The following CHDH variants were observed in gnomAD, a reference collection of about 807,000 sequenced individuals.
The protein encoded by CHDH is choline dehydrogenase, mitochondrial.
In CHDH, 43 loss-of-function variants were observed where a neutral mutation model predicts 56.9. The observed-to-expected ratio is 0.76, with a 90% CI of 0.59 to 0.97. The LOEUF (loss-of-function observed/expected upper bound fraction) is 0.97, where lower values mean the gene tolerates loss of function less well. CHDH is among the 50% of genes least tolerant of loss of function. The pLI, the probability that CHDH is intolerant of heterozygous loss-of-function variation, is 0.00. For missense variants in CHDH, 816 were observed against 821.1 expected, an observed-to-expected ratio of 0.99 and a Z score of 0.08; for synonymous variants, 364 against 348.5, an observed-to-expected ratio of 1.04 and a Z score of -0.50.
At chr3:53,824,955 G>A (rs866289212) in intron 2 of CHDH, among the ~76,000 whole-genome samples, 2 of 152,202 alleles carry the variant, frequency 1.3e-5, no homozygotes, top group African/African-American at 2.4e-5. Context: ...AGTAACAGCA[G>A]CCTACCACTG....
chr3:53,818,500 T>C (rs1380175432), intron 8 of CHDH, among the ~76,000 whole-genome samples: 5 of 152,116 alleles, frequency 3.3e-5, no homozygotes, highest in Non-Finnish European at 7.4e-5. Context: ...CCTGCTACAG[T>C]GGGGCTGTGA....
At chr3:53,820,024 A>G (rs1207004340) in intron 6 of CHDH, among the ~76,000 whole-genome samples, 2 of 152,240 alleles carry the variant, frequency 1.3e-5, no homozygotes, top group African/African-American at 4.8e-5. Context: ...GTGGATGGGT[A>G]GGATTTTAAA....
chr3:53,843,335 C>T (rs1259132022), intron 1 of CHDH, among the ~76,000 whole-genome samples: 3 of 152,100 alleles, frequency 2.0e-5, no homozygotes, highest in South Asian at 4.1e-4. Flanking sequence ...TGATGTCAGC[C>T]CCATGTTACA....
chr3:53,820,286 C>T (rs1160821962), intron 6 of CHDH, among the ~76,000 whole-genome samples, 188 bp downstream of exon 6: 2 of 152,166 alleles, frequency 1.3e-5, no homozygotes, highest in Non-Finnish European at 1.5e-5. Context: ...TTCTGGTCCT[C>T]GCTTCAACCT....
At chr3:53,826,308 A>G (rs1205701318) in intron 2 of CHDH, among the ~76,000 whole-genome samples, 1 of 134,798 alleles carries the variant, frequency 7.4e-6, no homozygotes, top group Admixed American at 7.1e-5. Context: ...AGACAAAGAC[A>G]TTACAATAAA....
At chr3:53,834,278 T>C (rs1018946560) in intron 2 of CHDH, among the ~76,000 whole-genome samples, 2 of 152,122 alleles carry the variant, frequency 1.3e-5, no homozygotes, top group African/African-American at 4.8e-5. Context: ...GAACCCTGTC[T>C]CTACTAAAAA....
chr3:53,834,086 G>GCTA (rs1412086849), intron 2 of CHDH, among the ~76,000 whole-genome samples: 1 of 152,230 alleles, frequency 6.6e-6, no homozygotes, highest in East Asian at 1.9e-4. Flanking sequence ...GTTATGGCTG[G>GCTA]TGGCTTTCAT....
At position 53,813,522 on chromosome 3, in the gene CHDH, G is replaced by C. The variant is rs893690111; in HGVS notation, c.*4255C>G. On this transcript the variant is annotated 3_prime_UTR_variant, in exon 9 of 9. Coordinates refer to ENST00000315251, the MANE Select transcript of CHDH (RefSeq NM_018397.5). The stretch of plus-strand genomic sequence containing the variant: ...GCTACACCACTGTCAACATTATCCT[G>C]GACTCTGTGTCTCTCTCTGTTGGGT... 9 of 152,192 alleles carry C rather than the reference G, an allele frequency of 5.9e-5. No individual in the cohort carries two copies. The highest frequency in any genetic ancestry group is 2.2e-4 in the African/African-American group (9 of 41,438). The allele number at this position is 152,192 out of a possible 1,614,324, so 9.4% of individuals were successfully genotyped here. A position where few individuals can be genotyped will look rare whatever the true frequency, so the allele number is the denominator to read the frequency against.
chr3:53,845,911 T>C (rs1335365145), intron 1 of CHDH, among the ~76,000 whole-genome samples, 172 bp downstream of exon 1: 3 of 152,230 alleles, frequency 2.0e-5, no homozygotes, highest in Non-Finnish European at 1.5e-5. Flanking sequence ...GTCAGTGAGC[T>C]TCGGCAGTCT....
At chr3:53,820,649 G>A in intron 5 of CHDH, 41 bp from the exon 6 acceptor site, 1 of 1,583,578 alleles carries the variant, frequency 6.3e-7, no homozygotes, top group Non-Finnish European at 8.6e-7. Flanking sequence ...GCTACCAAGG[G>A]GGCTCAGCTG....
In CHDH at chr3:53,823,551, T is replaced by C. The variant is rs771598867; in HGVS notation, c.458A>G (p.Gln153Arg). 6.5e-7 allele frequency: 1 copy of C among 1,542,508 alleles called. No individual in the cohort carries two copies. The highest frequency in any genetic ancestry group is 1.2e-5 in the South Asian group (1 of 83,916). Residue 153 changes from glutamine to arginine, a missense_variant, in exon 3 of 9, where the codon CAG becomes CGG. Coordinates refer to ENST00000315251, the MANE Select transcript of CHDH (RefSeq NM_018397.5). ...CGCGTAGTCCCAGCCGCGGGCGCCCTGGCGCTGCCAGCGCTCGTAGTCCTC... is the reference window on the plus strand; with the variant it reads ...CGCGTAGTCCCAGCCGCGGGCGCCCCGGCGCTGCCAGCGCTCGTAGTCCTC... ...HAEDYERWQR[Q>R]GARGWDYAHC...
At chr3:53,822,427 GAGCTGGACCACCAGGGTC>G in intron 4 of CHDH, 46 bp downstream of exon 4, 2 of 1,498,692 alleles carry the variant, frequency 1.3e-6, no homozygotes, top group Non-Finnish European at 1.8e-6. Context: ...TGCCCACTCT[GAGCTGGACCACCAGGGTC>G]ACTGCCCACC....
intron 2 of CHDH, among the ~76,000 whole-genome samples, chr3:53,838,485 T>G (rs1056363352): frequency 1.4e-4 from 22 of 152,070 alleles, no homozygotes; most frequent in African/African-American, 5.1e-4. Flanking sequence ...AGTAGGGAGG[T>G]GGGTATGGGT....
rs779939545 is a variant in CHDH, at chr3:53,822,692, C to G, written c.704-50G>C. 6 of 1,579,600 alleles carry G rather than the reference C, an allele frequency of 3.8e-6. No individual in the cohort carries two copies. The South Asian group carries it at 6.7e-5, about 18-fold the overall frequency. On this transcript the variant is annotated intron_variant, in intron 3 of 8. Transcript: ENST00000315251. ...GGCATGGCTCCGCCCTCCCCTGGCA[C>G]CTGGGCAGGAGGAAGGAGCTGGAGA...
rs977900259 is a variant in CHDH at position 53,817,594 on chromosome 3, G to A, written c.*183C>T. The A allele has an allele frequency of 3.5e-6, 2 of 570,870 alleles. No homozygotes were observed. Among genetic ancestry groups the A allele is most frequent in the African/African-American group, 3.7e-5 (2 of 53,508 alleles). The allele number at this position is 570,870 out of a possible 1,614,324, so 35.4% of individuals were successfully genotyped here. ...AGGGAAAGGCTGGGGAAAAGGAGCT[G>A]GATTCACTGCCCAGTACTTGTCTCA... On this transcript the variant is annotated 3_prime_UTR_variant, in exon 9 of 9. Coordinates refer to ENST00000315251, the MANE Select transcript of CHDH (RefSeq NM_018397.5).
At chr3:53,828,981 A>C (rs1246233825) in intron 2 of CHDH, among the ~76,000 whole-genome samples, 17 of 152,260 alleles carry the variant, frequency 1.1e-4, no homozygotes, top group Admixed American at 1.1e-3. Flanking sequence ...AACTGCCCAA[A>C]GCTGGAAGGA....
intron 1 of CHDH, among the ~76,000 whole-genome samples, chr3:53,843,980 G>A (rs2106991175): frequency 6.6e-6 from 1 of 152,332 alleles, no homozygotes; most frequent in South Asian, 2.1e-4. Context: ...AGGGCCACTT[G>A]AGGCATGGCC....
intron 5 of CHDH, 65 bp from the exon 6 acceptor site, chr3:53,820,673 C>A (rs1237409430): frequency 1.9e-6 from 3 of 1,555,826 alleles, no homozygotes; most frequent in Non-Finnish European, 2.6e-6. Flanking sequence ...CTCAATATCC[C>A]CCCGGTTTTG....
At chr3:53,820,702 C>T in intron 5 of CHDH, 94 bp from the exon 6 acceptor site, 2 of 1,472,388 alleles carry the variant, frequency 1.4e-6, no homozygotes, top group Non-Finnish European at 9.2e-7. Flanking sequence ...TTTCCTATTC[C>T]CTTATCTTCT....
Sources: gnomAD v4.1 joint callset for allele counts (sites outside exome capture counted in the v4.1 genomes callset) on GRCh38, gnomAD v4.1.1 for gene constraint, MANE v1.5 for transcripts, NCBI Gene and HGNC (gene_info 2026-07-23, HGNC 2026-07-21) for gene names.